The following PSTPIP1 variants were observed in gnomAD, a reference collection of about 807,000 sequenced individuals.
The protein encoded by PSTPIP1 is proline-serine-threonine phosphatase interacting protein 1.
A neutral mutation model predicts 69.6 loss-of-function variants in PSTPIP1; 66 were observed. The ratio of observed to expected loss-of-function variants is 0.95; its 90% confidence interval spans 0.78 to 1.16. The LOEUF (loss-of-function observed/expected upper bound fraction) is 1.16. Ranked by LOEUF, PSTPIP1 falls within the 50% of genes most tolerant of loss-of-function variation. The probability of loss-of-function intolerance (pLI) is 0.00; values close to 1 mark genes in which losing one functional copy is unlikely to be tolerated. For missense variants in PSTPIP1, 603 were observed against 557.4 expected (o/e 1.08, Z -0.82); for synonymous variants, 266 against 222.7 (o/e 1.19, Z -1.73).
At chr15:77,008,240 A>G (rs1290634108) in intron 1 of PSTPIP1, among the ~76,000 whole-genome samples, 2 of 152,066 alleles carry the variant, frequency 1.3e-5, no homozygotes, top group African/African-American at 2.4e-5. Context: ...TGACCCTGAA[A>G]CCAAAGAAAC....
upstream of PSTPIP1, chr15:76,994,851 G>A (rs1246736415): frequency 2.3e-6 from 3 of 1,289,034 alleles, no homozygotes; most frequent in African/African-American, 4.6e-5. Context: ...AGTGCGGGGT[G>A]GGGAGTCTGG....
chr15:77,022,014 G>C (rs2076170766), intron 3 of PSTPIP1, among the ~76,000 whole-genome samples: 1 of 152,270 alleles, frequency 6.6e-6, no homozygotes, highest in Non-Finnish European at 1.5e-5. Context: ...GCCCCTCTGT[G>C]GTTACCAGTG....
intron 1 of PSTPIP1, among the ~76,000 whole-genome samples, chr15:77,002,668 G>C (rs575645219): frequency 5.9e-5 from 9 of 152,250 alleles, no homozygotes; most frequent in Admixed American, 2.0e-4. Context: ...GGTCATGCTT[G>C]CTTTGCTTTT....
chr15:77,032,604 G>C lies in PSTPIP1; in HGVS notation c.838+210G>C, dbSNP rs533890019. The C allele has an allele frequency of 1.0e-4, 65 of 633,424 alleles. 1 individual carries two copies. The highest frequency in any genetic ancestry group is 9.4e-4 in the East Asian group (34 of 36,358). The allele number at this position is 633,424 out of a possible 1,614,324, so 39.2% of individuals were successfully genotyped here. ...AAGGGCATGATGGCACTCAGAGGAA[G>C]AGGTGGGGATGGGGATTGAGGTGAG... On this transcript the variant is annotated intron_variant, in intron 11 of 14. Coordinates refer to ENST00000558012, the MANE Select transcript of PSTPIP1 (RefSeq NM_003978.5).
intron 12 of PSTPIP1, among the ~76,000 whole-genome samples, chr15:77,035,148 G>A (rs1217840629): frequency 6.6e-6 from 1 of 152,232 alleles, no homozygotes; most frequent in Non-Finnish European, 1.5e-5. Context: ...TTCCCACGAG[G>A]CCTCAGTGCG....
intron 1 of PSTPIP1, among the ~76,000 whole-genome samples, chr15:76,997,962 G>T (rs1467695389): frequency 6.6e-6 from 1 of 151,996 alleles, no homozygotes; most frequent in Admixed American, 6.5e-5. Context: ...TTTAGGCGGG[G>T]TGCAGTGGTT....
chr15:77,004,693 A>AG (rs2075779997), intron 1 of PSTPIP1, among the ~76,000 whole-genome samples: 1 of 151,100 alleles, frequency 6.6e-6, no homozygotes, highest in Non-Finnish European at 1.5e-5. Flanking sequence ...TTCTTAAAAA[A>AG]AAAAAAAAGT....
intron 9 of PSTPIP1, among the ~76,000 whole-genome samples, 167 bp downstream of exon 9, chr15:77,030,748 GTTGC>G (rs1347773447): frequency 6.6e-6 from 1 of 152,236 alleles, no homozygotes; most frequent in Admixed American, 6.5e-5. Flanking sequence ...CCCTGGCCCT[GTTGC>G]TTGTCGCCTG....
chr15:76,997,130 C>A (rs111963880), intron 1 of PSTPIP1, among the ~76,000 whole-genome samples: 1,786 of 152,298 alleles, frequency 0.012, 25 homozygotes, highest in African/African-American at 0.033. Flanking sequence ...GTATGGCAGC[C>A]GCAGCAGAAG....
At chr15:77,005,350 C>T (rs1596053211) in intron 1 of PSTPIP1, among the ~76,000 whole-genome samples, 1 of 152,184 alleles carries the variant, frequency 6.6e-6, no homozygotes, top group African/African-American at 2.4e-5. Flanking sequence ...TGTGCCACTG[C>T]ACTCCAGCCT....
chr15:77,000,604 G>C (rs1426573033), intron 1 of PSTPIP1, among the ~76,000 whole-genome samples: 4 of 152,128 alleles, frequency 2.6e-5, no homozygotes, highest in Non-Finnish European at 4.4e-5. Context: ...AGCACCTTTA[G>C]TCTCATCACA....
At chr15:77,011,426 T>C (rs1406857305) in intron 1 of PSTPIP1, among the ~76,000 whole-genome samples, 1 of 152,216 alleles carries the variant, frequency 6.6e-6, no homozygotes, top group African/African-American at 2.4e-5. Flanking sequence ...GCTGCTCAGG[T>C]GAGGGGCCCT....
intron 2 of PSTPIP1, 84 bp from the exon 3 acceptor site, chr15:77,018,373 A>C: frequency 1.3e-6 from 2 of 1,540,528 alleles, no homozygotes; most frequent in Non-Finnish European, 1.8e-6. Context: ...TGCTTTAAAA[A>C]ACTCTTCTGT....
In PSTPIP1 at chr15:77,027,500, A is replaced by C. The variant is rs2076306409; in HGVS notation, c.355-352A>C. Among the ~76,000 whole-genome samples, 1 of 152,100 alleles carries C rather than the reference A, an allele frequency of 6.6e-6. No individual in the cohort carries two copies. Among genetic ancestry groups the C allele is most frequent in the Non-Finnish European group, 1.5e-5 (1 of 68,000 alleles). ...AACTCTGCATGTATGTGTGTGCCAG[A>C]GTGTACACACACGTGTGAGCGACTG... On this transcript the variant is annotated intron_variant, in intron 5 of 14. Transcript: ENST00000558012. The surrounding 1 kb of genome is among the most constrained non-coding windows in gnomAD (Gnocchi z 4.3).
intron 12 of PSTPIP1, among the ~76,000 whole-genome samples, chr15:77,034,993 G>A (rs2076521795): frequency 6.6e-6 from 1 of 152,250 alleles, no homozygotes; most frequent in South Asian, 2.1e-4. Flanking sequence ...CCACAGGGAG[G>A]AGGGCTGGCT....
At chr15:77,031,752 C>T (rs1046609345) in intron 10 of PSTPIP1, 8 of 178,104 alleles carry the variant, frequency 4.5e-5, no homozygotes, top group Admixed American at 3.4e-4. Flanking sequence ...GCAGAGAGGG[C>T]CCCCAGCCAG....
intron 6 of PSTPIP1, among the ~76,000 whole-genome samples, 164 bp downstream of exon 6, chr15:77,028,078 C>T (rs567589529): frequency 2.8e-4 from 43 of 152,292 alleles, no homozygotes; most frequent in Admixed American, 2.8e-3. Context: ...GGCGCTTGGG[C>T]CCGTGCTGGG....
chr15:77,013,608 T>C (rs2075988956), intron 1 of PSTPIP1, among the ~76,000 whole-genome samples: 2 of 152,310 alleles, frequency 1.3e-5, no homozygotes, highest in Middle Eastern at 3.4e-3. Context: ...ACCTCTCCCG[T>C]TGCACCCAAT....
chr15:77,033,832 C>T (rs554428114), intron 12 of PSTPIP1, among the ~76,000 whole-genome samples: 1 of 151,984 alleles, frequency 6.6e-6, no homozygotes. Flanking sequence ...CACACACACA[C>T]CCTCTTTGAG....
Sources: allele counts gnomAD v4.1 joint callset (sites outside exome capture counted in the v4.1 genomes callset), GRCh38; gene constraint gnomAD v4.1.1; non-coding constraint Gnocchi (gnomAD v3.1); transcripts MANE v1.5; gene names NCBI Gene and HGNC (gene_info 2026-07-23, HGNC 2026-07-21).